Variants in ATPAF1 observed in about 807,000 individuals in gnomAD.
ATPAF1 encodes ATP synthase mitochondrial F1 complex assembly factor 1.
ATPAF1 carries 26 observed loss-of-function variants against 43.9 expected under a neutral mutation model. The ratio of observed to expected loss-of-function variants is 0.59; its 90% CI spans 0.43 to 0.82. ATPAF1 has a LOEUF of 0.82. ATPAF1 is among the 40% of genes least tolerant of loss of function. The pLI, the probability that ATPAF1 is intolerant of heterozygous loss-of-function variation, is 0.00. For synonymous variants in ATPAF1, 157 were observed against 168.0 expected (o/e 0.93, Z 0.50); for missense variants, 366 against 435.0 (o/e 0.84, Z 1.41).
rs1459769619 is a variant in ATPAF1, at chr1:46,653,049, G to A, written c.541-421C>T. Among the ~76,000 whole-genome samples, 1 of 151,848 alleles carries A rather than the reference G, an allele frequency of 6.6e-6. No individual in the cohort carries two copies. The highest frequency in any genetic ancestry group is 1.5e-5 in the Non-Finnish European group (1 of 67,980). ...ATGAGAGATTAAAAAAAAAGATAGC[G>A]ATACCATCATAACCACCAAAAGGCC... On this transcript the variant is annotated intron_variant, in intron 5 of 8. Transcript: ENST00000574428. The surrounding 1 kb of genome is among the most constrained non-coding windows in gnomAD (Gnocchi z 4.8).
At chr1:46,636,616 A>G (rs1482480582) in intron 8 of ATPAF1, among the ~76,000 whole-genome samples, 1 of 152,042 alleles carries the variant, frequency 6.6e-6, no homozygotes, top group Non-Finnish European at 1.5e-5. Flanking sequence ...TCCTTCTAAC[A>G]AGTAGACTAT....
At position 46,668,188 on chromosome 1, in the gene ATPAF1, G is replaced by C. The variant is rs554118229; in HGVS notation, c.135C>G (p.Arg45=). The C allele has an allele frequency of 3.3e-5, 46 of 1,395,496 alleles. No individual in the cohort carries two copies. In the Admixed American group the frequency reaches 4.0e-4, roughly 12 times the overall value. 86.4% of individuals were successfully genotyped at this position (1,395,496 alleles called of 1,614,324 possible). ...CCGAGCCGGGGCGCACTGGGAAGAC[G>C]CGCAGCTGCGCGGGTGACACGAGCC... Residue 45 remains arginine (R), a synonymous_variant, in exon 1 of 9, where the codon CGC becomes CGG. Coordinates refer to ENST00000574428, the Ensembl canonical transcript of ATPAF1. The surrounding 1 kb of genome is among the most constrained non-coding windows in gnomAD (Gnocchi z 4.4).
rs545813496 is a variant in ATPAF1 at position 46,639,176 on chromosome 1, G to A, written c.793-3206C>T. On this transcript the variant is annotated intron_variant, in intron 8 of 8. Coordinates refer to ENST00000574428, the Ensembl canonical transcript of ATPAF1. ...CAAACCCTTTAATGACTCTTTTCAT[G>A]CCCTCAGGGTAAAGCCAAATCTCTA... 2.6e-5 allele frequency among the ~76,000 whole-genome samples: 4 copies of A among 152,080 alleles called. No homozygotes were observed. In the South Asian group the frequency reaches 8.3e-4, roughly 32 times the overall value.
At position 46,668,044 on chromosome 1, in the gene ATPAF1, C is replaced by A; in HGVS notation, c.266+13G>T. ...CCGCCTCCTGCCCGCCTCCAGCCAA[C>A]CCAGGCCCGCACCTGCGCAGCAGCT... On this transcript the variant is annotated intron_variant, in intron 1 of 8. Coordinates refer to ENST00000574428, the Ensembl canonical transcript of ATPAF1. The surrounding 1 kb of genome is among the most constrained non-coding windows in gnomAD (Gnocchi z 4.4). 7.2e-7 allele frequency: 1 copy of A among 1,382,804 alleles called. No individual in the cohort carries two copies. Among genetic ancestry groups the A allele is most frequent in the Admixed American group, 3.2e-5 (1 of 30,862 alleles). The allele number at this position is 1,382,804 out of a possible 1,614,324, so 85.7% of individuals were successfully genotyped here. A position where few individuals can be genotyped will look rare whatever the true frequency, so the allele number is the denominator to read the frequency against.
rs566225425 is a variant in ATPAF1, at chr1:46,656,269, G to A, written c.489+1858C>T. On this transcript the variant is annotated intron_variant, in intron 4 of 8. Coordinates refer to ENST00000574428, the Ensembl canonical transcript of ATPAF1. Reference sequence around the variant, plus strand: ...CTAACAAAGGCATAGAAGTAGAGGAGGGTATCATAACCAAGGTGACACCAG... The same window carrying A: ...CTAACAAAGGCATAGAAGTAGAGGAAGGTATCATAACCAAGGTGACACCAG... Among the ~76,000 whole-genome samples, 52 of 152,192 alleles carry A rather than the reference G, an allele frequency of 3.4e-4. No homozygotes were observed. In the South Asian group the frequency reaches 0.01, roughly 30 times the overall value.
At chr1:46,652,546 G>C in intron 6 of ATPAF1, 35 bp downstream of exon 6, 2 of 1,600,596 alleles carry the variant, frequency 1.2e-6, no homozygotes, top group Non-Finnish European at 1.7e-6. Context: ...TGGCAACATT[G>C]ATAAGCAACC....
intron 6 of ATPAF1, among the ~76,000 whole-genome samples, chr1:46,645,579 T>G (rs1452756978): frequency 6.6e-6 from 1 of 151,696 alleles, no homozygotes; most frequent in Non-Finnish European, 1.5e-5. Context: ...CCCAGGCTGG[T>G]CTTGAACTCC....
At chr1:46,650,142 C>T (rs925638800) in intron 6 of ATPAF1, among the ~76,000 whole-genome samples, 1 of 152,088 alleles carries the variant, frequency 6.6e-6, no homozygotes, top group Non-Finnish European at 1.5e-5. Flanking sequence ...TCAGCTACGA[C>T]CTCTTAATTC....
intron 6 of ATPAF1, among the ~76,000 whole-genome samples, chr1:46,650,708 C>T (rs1346942208): frequency 6.6e-6 from 1 of 152,064 alleles, no homozygotes; most frequent in East Asian, 1.9e-4. Flanking sequence ...AGAACAAGTT[C>T]TGTCATTTGT....
At chr1:46,666,179 TA>T in intron 1 of ATPAF1, 1 of 199,266 alleles carries the variant, frequency 5.0e-6, no homozygotes, top group Non-Finnish European at 1.1e-5. Flanking sequence ...CCTTCTTCCA[TA>T]AAATTCCTTT....
chr1:46,647,977 T>A (rs1676074078), intron 6 of ATPAF1, among the ~76,000 whole-genome samples: 1 of 152,234 alleles, frequency 6.6e-6, no homozygotes, highest in African/African-American at 2.4e-5. Context: ...TCTATCCTCT[T>A]TATTATTGAG....
intron 6 of ATPAF1, among the ~76,000 whole-genome samples, chr1:46,649,104 G>A (rs1293315580): frequency 1.2e-4 from 17 of 147,778 alleles, no homozygotes; most frequent in Non-Finnish European, 3.0e-5. Flanking sequence ...GGAGGTTGCA[G>A]TGAGCTGAGA....
At chr1:46,646,394 G>A (rs866711013) in intron 6 of ATPAF1, among the ~76,000 whole-genome samples, 2 of 152,138 alleles carry the variant, frequency 1.3e-5, no homozygotes, top group East Asian at 1.9e-4. Flanking sequence ...GAATTAGCTC[G>A]TTCCAATTGC....
At chr1:46,637,398 A>C (rs1453690914) in intron 8 of ATPAF1, among the ~76,000 whole-genome samples, 1 of 152,166 alleles carries the variant, frequency 6.6e-6, no homozygotes, top group African/African-American at 2.4e-5. Flanking sequence ...AAAATTAAAA[A>C]ATGACAGAGA....
At chr1:46,654,528 T>TTTTATTA (rs1553218332) in intron 4 of ATPAF1, among the ~76,000 whole-genome samples, 3 of 135,264 alleles carry the variant, frequency 2.2e-5, no homozygotes, top group Admixed American at 7.2e-5. Context: ...TATTTATTTA[T>TTTTATTA]TTATTATTAT....
At chr1:46,662,040 GCC>G (rs1676399204) in intron 2 of ATPAF1, among the ~76,000 whole-genome samples, 1 of 151,832 alleles carries the variant, frequency 6.6e-6, no homozygotes, top group Non-Finnish European at 1.5e-5. Flanking sequence ...GACTACAGGC[GCC>G]TGCCACAACG....
At chr1:46,661,801 T>C (rs2148825938) in intron 2 of ATPAF1, among the ~76,000 whole-genome samples, 1 of 152,182 alleles carries the variant, frequency 6.6e-6, no homozygotes, top group South Asian at 2.1e-4. Flanking sequence ...TCTAGCTAGA[T>C]ACAGAAGATA....
At chr1:46,658,159 C>G (rs765096786) in exon 4 of ATPAF1, 4 of 1,611,392 alleles carry the variant, frequency 2.5e-6, no homozygotes, top group Non-Finnish European at 3.4e-6. Context: ...TTTTCTTTTA[C>G]CATCTCAATG....
At chr1:46,651,328 C>A (rs12091675) in intron 6 of ATPAF1, among the ~76,000 whole-genome samples, 1 of 151,702 alleles carries the variant, frequency 6.6e-6, no homozygotes, top group Non-Finnish European at 1.5e-5. Flanking sequence ...AGGACATGAA[C>A]TCATCATTTT....
Sources: gnomAD v4.1 joint callset for allele counts (sites outside exome capture counted in the v4.1 genomes callset) on GRCh38, gnomAD v4.1.1 for gene constraint, Gnocchi (gnomAD v3.1) non-coding constraint, MANE v1.5 for transcripts, NCBI Gene and HGNC (gene_info 2026-07-23, HGNC 2026-07-21) for gene names.